RAB5C: variants seen among roughly 807,000 people sequenced by gnomAD.
The protein encoded by RAB5C is RAB5C, member RAS oncogene family.
A neutral mutation model predicts 25.2 loss-of-function variants in RAB5C; 4 were observed. The ratio of observed to expected loss-of-function variants is 0.16; its 90% CI spans 0.08 to 0.36. The LOEUF is 0.36. RAB5C is among the 10% of genes least tolerant of loss of function. The probability of loss-of-function intolerance (pLI) is 1.00; values close to 1 mark genes in which losing one functional copy is unlikely to be tolerated. For synonymous variants in RAB5C, 100 were observed against 106.4 expected (o/e 0.94, Z 0.37); for missense variants, 199 against 283.8 (o/e 0.70, Z 2.15).
intron 3 of RAB5C, 29 bp downstream of exon 3, chr17:42,128,620 C>G: frequency 6.9e-7 from 1 of 1,446,860 alleles, no homozygotes; most frequent in Non-Finnish European, 9.1e-7. Flanking sequence ...AGATGAAGGG[C>G]AAAGGAAGAA....
intron 1 of RAB5C, among the ~76,000 whole-genome samples, chr17:42,133,402 G>A (rs185067773): frequency 3.9e-5 from 6 of 152,336 alleles, no homozygotes; most frequent in Admixed American, 3.3e-4. Context: ...ACAGATCTAA[G>A]TCTTGTCACT....
chr17:42,127,529 T>C (rs888596583), intron 4 of RAB5C, among the ~76,000 whole-genome samples: 2 of 151,790 alleles, frequency 1.3e-5, no homozygotes, highest in African/African-American at 4.8e-5. Flanking sequence ...TTTAGGCCCA[T>C]GCTTTTTTTA....
At position 42,131,700 on chromosome 17, in the gene RAB5C, A is replaced by G. The variant is rs898326321; in HGVS notation, c.-88-1110T>C. ...GCAGAGACCAAGTCCTGCATCCCCAACAGCTGGTGTTCCAGTCCCGACATC... is the reference window on the plus strand; with the variant it reads ...GCAGAGACCAAGTCCTGCATCCCCAGCAGCTGGTGTTCCAGTCCCGACATC... On this transcript the variant is annotated intron_variant, in intron 1 of 5. Transcript: ENST00000346213. 121 of 1,253,400 alleles carry G rather than the reference A, an allele frequency of 9.7e-5. 1 individual carries two copies. Among genetic ancestry groups the G allele is most frequent in the South Asian group, 9.1e-5 (7 of 76,848 alleles). 77.6% of individuals were successfully genotyped at this position (1,253,400 alleles called of 1,614,324 possible). A position where few individuals can be genotyped will look rare whatever the true frequency, so the allele number is the denominator to read the frequency against.
intron 4 of RAB5C, among the ~76,000 whole-genome samples, chr17:42,127,531 C>G (rs181586457): frequency 1.3e-5 from 2 of 151,494 alleles, no homozygotes; most frequent in Admixed American, 1.3e-4. Context: ...TAGGCCCATG[C>G]TTTTTTTATT....
At chr17:42,141,513 G>A (rs547649004) in intron 1 of RAB5C, among the ~76,000 whole-genome samples, 3 of 152,308 alleles carry the variant, frequency 2.0e-5, no homozygotes, top group African/African-American at 7.2e-5. Flanking sequence ...GGGAAGTTGA[G>A]GGCTTAAATC....
rs199902477 is a variant in RAB5C, at chr17:42,130,508, G to A, written c.-6C>T. On this transcript the variant is annotated 5_prime_UTR_variant, in exon 2 of 6. It adds an upstream start codon to the 5' untranslated region. Coordinates refer to ENST00000346213, the MANE Select transcript of RAB5C (RefSeq NM_004583.4). ...GCGCCTCCCCGACCCGCCATTGCCCGTCCAGCTGTAGTGGTCCAGAGAGCG... is the reference window on the plus strand; with the variant it reads ...GCGCCTCCCCGACCCGCCATTGCCCATCCAGCTGTAGTGGTCCAGAGAGCG... 159 of 1,613,946 alleles carry A rather than the reference G, an allele frequency of 9.9e-5. No individual in the cohort carries two copies. The highest frequency in any genetic ancestry group is 1.2e-4 in the Non-Finnish European group (144 of 1,180,002).
chr17:42,127,302 C>T (rs546032560), intron 4 of RAB5C, among the ~76,000 whole-genome samples: 3 of 152,186 alleles, frequency 2.0e-5, no homozygotes, highest in Non-Finnish European at 2.9e-5. Context: ...TTAAAAAACA[C>T]GTGCATATTT....
At chr17:42,154,234 CAGAA>C (rs1419209796) in intron 1 of RAB5C, among the ~76,000 whole-genome samples, 1 of 152,118 alleles carries the variant, frequency 6.6e-6, no homozygotes, top group African/African-American at 2.4e-5. Flanking sequence ...TCTTCAGAGG[CAGAA>C]AGAGAGAGAC....
chr17:42,133,465 A>G (rs1486112966), intron 1 of RAB5C, among the ~76,000 whole-genome samples: 4 of 152,248 alleles, frequency 2.6e-5, no homozygotes, highest in Admixed American at 2.0e-4. Context: ...ACAAGCCAGA[A>G]GGGGAGACAA....
chr17:42,145,065 C>T (rs539566904), intron 1 of RAB5C, among the ~76,000 whole-genome samples: 18 of 148,624 alleles, frequency 1.2e-4, no homozygotes, highest in South Asian at 6.5e-4. Flanking sequence ...CCCAGCTACT[C>T]GGGAGACTGA....
chr17:42,132,110 G>A (rs1334009982), intron 1 of RAB5C, among the ~76,000 whole-genome samples: 1 of 152,192 alleles, frequency 6.6e-6, no homozygotes, highest in Non-Finnish European at 1.5e-5. Flanking sequence ...TCTGTGGGAA[G>A]CAAATGGTCC....
At position 42,130,497 on chromosome 17, in the gene RAB5C, C is replaced by T. The variant is rs755324556; in HGVS notation, c.6G>A (p.Ala2=). The change falls in exon 2 of 6, where the codon GCG becomes GCA. Residue 2 remains alanine (A), a synonymous_variant. Coordinates refer to ENST00000346213, the MANE Select transcript of RAB5C (RefSeq NM_004583.4). The part of the protein sequence containing the change: M[A]GRGGAARPNG... The stretch of plus-strand genomic sequence containing the variant: ...TGGGTCGTGCTGCGCCTCCCCGACC[C>T]GCCATTGCCCGTCCAGCTGTAGTGG... 16 of 1,613,958 alleles carry T rather than the reference C, an allele frequency of 9.9e-6. No homozygotes were observed. Among genetic ancestry groups the T allele is most frequent in the Middle Eastern group, 1.6e-4 (1 of 6,084 alleles).
chr17:42,130,309 C>T (rs746193511), intron 2 of RAB5C, 28 bp downstream of exon 2: 1 of 1,570,230 alleles, frequency 6.4e-7, no homozygotes, highest in Non-Finnish European at 8.7e-7. Flanking sequence ...CCTTCAGGCC[C>T]CTCCCCGACT....
In RAB5C at chr17:42,128,241, C is replaced by T. The variant is rs775861028; in HGVS notation, c.441+20G>A. ...GAGCTGCTTACTCCACTCCTTCCCC[C>T]AAGTCTGTCATCTCCCCACCTGGAA... On this transcript the variant is annotated intron_variant, in intron 4 of 5. Transcript: ENST00000346213. 1.2e-6 allele frequency: 2 copies of T among 1,610,356 alleles called. No individual in the cohort carries two copies. The highest frequency in any genetic ancestry group is 1.7e-6 in the Non-Finnish European group (2 of 1,177,898).
At position 42,126,817 on chromosome 17, in the gene RAB5C, A is replaced by C. The variant is rs1299537787; in HGVS notation, c.473T>G (p.Leu158Trp). The change falls in exon 5 of 6, where the codon TTG becomes TGG. Residue 158 changes from leucine to tryptophan, a missense_variant. Transcript: ENST00000346213. Reference sequence around the variant, plus strand: ...CTTTGCTGATGTCTCCATGAACAGCAAACTGTTGTCGTCTGCATAGGCTTG... The same window carrying C: ...CTTTGCTGATGTCTCCATGAACAGCCAACTGTTGTCGTCTGCATAGGCTTG... ...EAQAYADDNS[L>W]LFMETSAKTA... 1 of 1,613,282 alleles carries C rather than the reference A, an allele frequency of 6.2e-7. No individual in the cohort carries two copies. The highest frequency in any genetic ancestry group is 8.5e-7 in the Non-Finnish European group (1 of 1,179,428).
intron 1 of RAB5C, among the ~76,000 whole-genome samples, chr17:42,147,992 G>A (rs2079647487): frequency 6.6e-6 from 1 of 152,188 alleles, no homozygotes; most frequent in African/African-American, 2.4e-5. Flanking sequence ...CTGCTACTTG[G>A]GAAGCTGAGG....
intron 3 of RAB5C, 117 bp downstream of exon 3, chr17:42,128,532 C>A: frequency 9.7e-6 from 4 of 413,208 alleles, no homozygotes; most frequent in Non-Finnish European, 1.3e-5. Flanking sequence ...AGGAAATCTG[C>A]CCACCCCCCA....
At chr17:42,144,596 G>A (rs757489788) in intron 1 of RAB5C, among the ~76,000 whole-genome samples, 5 of 152,068 alleles carry the variant, frequency 3.3e-5, no homozygotes, top group Non-Finnish European at 7.4e-5. Context: ...GGTGGATCAC[G>A]AGGTCAGGAA....
At chr17:42,147,364 C>G (rs1023540358) in intron 1 of RAB5C, among the ~76,000 whole-genome samples, 2 of 152,210 alleles carry the variant, frequency 1.3e-5, no homozygotes, top group Admixed American at 1.3e-4. Flanking sequence ...ACATACAGAA[C>G]AGTATCCACA....
Sources: allele counts gnomAD v4.1 joint callset (sites outside exome capture counted in the v4.1 genomes callset), GRCh38; gene constraint gnomAD v4.1.1; transcripts MANE v1.5; gene names NCBI Gene and HGNC (gene_info 2026-07-23, HGNC 2026-07-21).